Variants in DNM3 observed in about 807,000 individuals in gnomAD.
The protein encoded by DNM3 is dynamin 3, also known as dynamin-3.
Under a neutral mutation model 101.6 loss-of-function variants are expected in DNM3, and 47 were observed. The observed-to-expected ratio is 0.46, with a 90% confidence interval of 0.37 to 0.59. DNM3 has a LOEUF of 0.59. Among genes scored for constraint, DNM3 ranks in the 20% least tolerant of loss-of-function variants. The probability of loss-of-function intolerance (pLI) is 0.00; values close to 1 mark genes in which losing one functional copy is unlikely to be tolerated. For missense variants in DNM3, 849 were observed against 1,085.7 expected (o/e 0.78, Z 3.06); for synonymous variants, 385 against 387.9 (o/e 0.99, Z 0.09).
chr1:171,947,885 G>A (rs932463476), intron 2 of DNM3, among the ~76,000 whole-genome samples: 1 of 152,162 alleles, frequency 6.6e-6, no homozygotes, highest in African/African-American at 2.4e-5. Flanking sequence ...AAAATGAGAG[G>A]CCGTATATGT....
chr1:172,386,618 C>T (rs1049451260), intron 18 of DNM3, among the ~76,000 whole-genome samples: 2 of 152,194 alleles, frequency 1.3e-5, no homozygotes, highest in African/African-American at 4.8e-5. Flanking sequence ...CTTACTGGTG[C>T]TAATTTCACT....
chr1:172,274,661 G>T (rs182271194), intron 15 of DNM3, among the ~76,000 whole-genome samples: 1 of 151,272 alleles, frequency 6.6e-6, no homozygotes, highest in Non-Finnish European at 1.5e-5. Context: ...GATCAAAATG[G>T]TGAGAAATTT....
chr1:171,944,243 A>G (rs1055745372), intron 2 of DNM3, among the ~76,000 whole-genome samples: 1 of 152,206 alleles, frequency 6.6e-6, no homozygotes, highest in East Asian at 1.9e-4. Context: ...ATTTAAAACA[A>G]TAAAAACCAT....
intron 13 of DNM3, among the ~76,000 whole-genome samples, chr1:172,097,924 C>A (rs890132935): frequency 1.3e-5 from 2 of 151,112 alleles, no homozygotes; most frequent in Non-Finnish European, 2.9e-5. Flanking sequence ...TAGTGATTTT[C>A]AAAAGGGAGG....
chr1:172,144,166 T>G (rs533016411), intron 14 of DNM3, among the ~76,000 whole-genome samples: 65 of 150,986 alleles, frequency 4.3e-4, no homozygotes, highest in Non-Finnish European at 7.7e-4. Context: ...AGAAAACACT[T>G]GAATTATCAA....
At chr1:172,215,303 A>G (rs1462500929) in intron 14 of DNM3, among the ~76,000 whole-genome samples, 1 of 152,070 alleles carries the variant, frequency 6.6e-6, no homozygotes. Flanking sequence ...CCATTTGGTA[A>G]CTTCTCTTTG....
downstream of DNM3, among the ~76,000 whole-genome samples, chr1:172,414,751 TAAAAA>T (rs11378822): frequency 3.0e-5 from 3 of 100,030 alleles, no homozygotes; most frequent in South Asian, 4.0e-4. Context: ...ACCTCATCTC[TAAAAA>T]AAAAAAAAAA....
At chr1:172,345,352 T>C (rs1487144317) in intron 17 of DNM3, among the ~76,000 whole-genome samples, 1 of 152,240 alleles carries the variant, frequency 6.6e-6, no homozygotes, top group Non-Finnish European at 1.5e-5. Context: ...AAACTGATTA[T>C]ATTAGAGACA....
intron 14 of DNM3, among the ~76,000 whole-genome samples, chr1:172,189,055 T>G (rs547894460): frequency 3.3e-5 from 5 of 152,224 alleles, no homozygotes; most frequent in Admixed American, 3.3e-4. Context: ...GAGGTCACTG[T>G]GTACATGCAG....
Position 172,412,510 on chromosome 1 carries a change from T to G in DNM3, c.*4669T>G. ...TACAGAAGTAAAATCTTGTCTTCTC[T>G]GCTGATTCTTTAATTAATATGAGCC... is the stretch of plus-strand genomic sequence containing the variant. On this transcript the variant is annotated 3_prime_UTR_variant, in exon 21 of 21. Coordinates refer to ENST00000627582, the MANE Select transcript of DNM3 (RefSeq NM_015569.5). 10 of 985,846 alleles carry G rather than the reference T, an allele frequency of 1.0e-5. No individual in the cohort carries two copies. The highest frequency in any genetic ancestry group is 1.2e-5 in the Non-Finnish European group (10 of 829,910). The allele number at this position is 985,846 out of a possible 1,614,324, so 61.1% of individuals were successfully genotyped here.
Position 171,894,700 on chromosome 1 carries a change from A to G in DNM3, c.162-27048A>G, listed in dbSNP as rs1404360006. Among the ~76,000 whole-genome samples, 4 of 152,152 alleles carry G rather than the reference A, an allele frequency of 2.6e-5. No individual in the cohort carries two copies. The South Asian group carries it at 8.3e-4, about 31-fold the overall frequency. The stretch of plus-strand genomic sequence containing the variant: ...TGTTGCACCCATCAACTCGTCATTT[A>G]CATTAGGTATTTCTCCTAATGCTAT... On this transcript the variant is annotated intron_variant, in intron 1 of 20. Transcript: ENST00000627582.
chr1:172,119,088 G>A (rs1245501195), intron 13 of DNM3, among the ~76,000 whole-genome samples: 1 of 151,900 alleles, frequency 6.6e-6, no homozygotes, highest in Non-Finnish European at 1.5e-5. Context: ...CGCCTCCCGG[G>A]TTCAAGCGAT....
chr1:172,272,785 A>G (rs955138106), intron 15 of DNM3, among the ~76,000 whole-genome samples: 2 of 152,080 alleles, frequency 1.3e-5, no homozygotes, highest in African/African-American at 4.8e-5. Flanking sequence ...AATTATAGTC[A>G]TTTCTTTTTC....
intron 15 of DNM3, among the ~76,000 whole-genome samples, chr1:172,270,818 GAA>G (rs796437677): frequency 6.8e-6 from 1 of 147,436 alleles, no homozygotes; most frequent in African/African-American, 2.5e-5. Flanking sequence ...CTTAGAATCT[GAA>G]AAAAAAAAGT....
chr1:172,405,282 T>C (rs1242346054), intron 20 of DNM3, among the ~76,000 whole-genome samples: 1 of 152,108 alleles, frequency 6.6e-6, no homozygotes, highest in Non-Finnish European at 1.5e-5. Context: ...ATATGTGGTT[T>C]CTTTTCTCAA....
chr1:172,098,606 C>T (rs1214390301), intron 13 of DNM3, among the ~76,000 whole-genome samples: 1 of 152,126 alleles, frequency 6.6e-6, no homozygotes, highest in Non-Finnish European at 1.5e-5. Context: ...AAGGAAATCA[C>T]AAGGGTATTG....
At chr1:172,098,094 T>A (rs1274908685) in intron 13 of DNM3, among the ~76,000 whole-genome samples, 2 of 152,070 alleles carry the variant, frequency 1.3e-5, no homozygotes, top group Non-Finnish European at 2.9e-5. Flanking sequence ...ATTGATAACA[T>A]CAGGAGACAG....
intron 4 of DNM3, among the ~76,000 whole-genome samples, chr1:172,009,684 A>G (rs1186604939): frequency 1.3e-5 from 2 of 151,642 alleles, no homozygotes; most frequent in Non-Finnish European, 3.0e-5. Flanking sequence ...CTGACTTAAC[A>G]GTATTGGATG....
chr1:172,413,372 G>A (rs1302951977), downstream of DNM3, among the ~76,000 whole-genome samples: 4 of 152,046 alleles, frequency 2.6e-5, no homozygotes, highest in African/African-American at 9.7e-5. Context: ...GACTACAGGC[G>A]CCCGCCACCA....
Sources: gnomAD v4.1 joint callset for allele counts (sites outside exome capture counted in the v4.1 genomes callset) on GRCh38, gnomAD v4.1.1 for gene constraint, MANE v1.5 for transcripts, NCBI Gene and HGNC (gene_info 2026-07-23, HGNC 2026-07-21) for gene names.